PRRC2C: variants seen among roughly 807,000 people sequenced by gnomAD.
PRRC2C encodes proline rich coiled-coil 2C.
Under a neutral mutation model 317.2 loss-of-function variants are expected in PRRC2C, and 72 were observed. The ratio of observed to expected loss-of-function variants is 0.23; its 90% CI spans 0.19 to 0.28. The LOEUF (loss-of-function observed/expected upper bound fraction) is 0.28, where lower values mean the gene tolerates loss of function less well. PRRC2C is among the 10% of genes least tolerant of loss of function. PRRC2C has a pLI of 1.00. For synonymous variants in PRRC2C, 1,296 were observed against 1,205.9 expected, an observed-to-expected ratio of 1.07 and a Z score of -1.55; for missense variants, 3,074 against 3,459.7, an observed-to-expected ratio of 0.89 and a Z score of 2.80.
rs373111005 is a variant in PRRC2C, at chr1:171,490,824, T to C, written c.-58+5089T>C. On this transcript the variant is annotated intron_variant, in intron 1 of 34. Transcript: ENST00000647382. The stretch of plus-strand genomic sequence containing the variant: ...GGGAAAATCTCTTGATTTTTAGATA[T>C]ATTGAATACTCAAAGTGGACTCTAG... Among the ~76,000 whole-genome samples the C allele has an allele frequency of 4.6e-5, 7 of 152,344 alleles. No homozygotes were observed. In the East Asian group the frequency reaches 1.2e-3, roughly 25 times the overall value.
rs1256873943 is a variant in PRRC2C at position 171,557,946 on chromosome 1, C to T, written c.5834C>T (p.Pro1945Leu). The change falls in exon 19 of 35, where the codon CCA (proline) becomes CTA (leucine). Residue 1945 changes from proline to leucine, a missense_variant. Pro to Leu is a moderately conservative substitution (Grantham distance 98, BLOSUM62 -3). Transcript: ENST00000647382. ...QAQTHKPVQN[P>L]LQTTSQSSKQ... is the part of the protein sequence containing the mutation. ...CAGACCCACAAACCAGTCCAGAATC[C>T]ACTACAGACTACATCTCAGTCTTCA... 21 of 1,604,252 alleles carry T rather than the reference C, an allele frequency of 1.3e-5. No homozygotes were observed. Among genetic ancestry groups the T allele is most frequent in the South Asian group, 4.5e-5 (4 of 89,600 alleles).
At chr1:171,535,652 G>GTAA in intron 13 of PRRC2C, 55 bp downstream of exon 13, 1 of 1,543,500 alleles carries the variant, frequency 6.5e-7, no homozygotes, top group Non-Finnish European at 8.8e-7. Context: ...TTATTATGCA[G>GTAA]TAGTCTGGGA....
chr1:171,541,064 C>A lies in PRRC2C; in HGVS notation c.3598C>A (p.Arg1200=). 2 of 1,613,104 alleles carry A rather than the reference C, an allele frequency of 1.2e-6. No homozygotes were observed. The highest frequency in any genetic ancestry group is 1.7e-6 in the Non-Finnish European group (2 of 1,179,644). ...RGRGEYYSRG[R]SYRGSYGGRG... is the part of the protein sequence containing the mutation. Reference sequence around the variant, plus strand: ...CCGAGGTGAATATTACTCCAGAGGTCGAAGCTATAGAGGTTCTTATGGAGG... The same window carrying A: ...CCGAGGTGAATATTACTCCAGAGGTAGAAGCTATAGAGGTTCTTATGGAGG... The change falls in exon 16 of 35, where the codon CGA becomes AGA. Residue 1200 remains arginine (R), a synonymous_variant. Transcript: ENST00000647382. This position sits in a 1 kb window ranked among gnomAD's most constrained non-coding sequence, Gnocchi z 4.1.
chr1:171,584,066 A>C lies in PRRC2C; in HGVS notation c.7520A>C (p.Gln2507Pro). The change falls in exon 29 of 35, where the codon CAA becomes CCA. Residue 2507 changes from glutamine (Q) to proline (P), a missense_variant. By Grantham distance (76) the Gln-to-Pro change is moderately conservative. Transcript: ENST00000647382. ...CAACACCAAGAACTTGCCAAGGCAC[A>C]ATCCGGTCTTGCCTTTCAGCAAACA... Reference protein sequence around the residue: ...TVQHQELAKAQSGLAFQQTSN... With the variant: ...TVQHQELAKAPSGLAFQQTSN... 6.2e-7 allele frequency: 1 copy of C among 1,613,936 alleles called. No homozygotes were observed. Among genetic ancestry groups the C allele is most frequent in the Non-Finnish European group, 8.5e-7 (1 of 1,179,804 alleles).
chr1:171,529,705 T>A (rs1675409697), intron 11 of PRRC2C, among the ~76,000 whole-genome samples: 2 of 152,218 alleles, frequency 1.3e-5, no homozygotes, highest in Non-Finnish European at 2.9e-5. Flanking sequence ...CTGTAGTAGT[T>A]GTTGTCTTTT....
Position 171,541,544 on chromosome 1 carries a change from C to T in PRRC2C, c.4078C>T (p.Arg1360Cys), listed in dbSNP as rs767704056. The part of the protein sequence containing the change: ...FRRGGRDPGG[R>C]PSRPSTLRRP... Reference sequence around the variant, plus strand: ...GCGTGGTGGAAGGGATCCTGGAGGCCGTCCATCACGCCCTTCCACTTTACG... The same window carrying T: ...GCGTGGTGGAAGGGATCCTGGAGGCTGTCCATCACGCCCTTCCACTTTACG... Residue 1360 changes from arginine to cysteine, a missense_variant, in exon 16 of 35, where the codon CGT (arginine) becomes TGT (cysteine). Physicochemically the swap from Arg to Cys is radical, Grantham distance 180. This residue lies in a region of PRRC2C where 1,320 missense variants were observed against 1,395.7 expected (regional missense o/e 0.95). Coordinates refer to ENST00000647382, the MANE Select transcript of PRRC2C (RefSeq NM_001387844.1). The surrounding 1 kb of genome is among the most constrained non-coding windows in gnomAD (Gnocchi z 4.1). 15 of 1,613,346 alleles carry T rather than the reference C, an allele frequency of 9.3e-6. No homozygotes were observed. Among genetic ancestry groups the T allele is most frequent in the East Asian group, 2.2e-5 (1 of 44,824 alleles).
chr1:171,565,729 A>T lies in PRRC2C; in HGVS notation c.6118-504A>T, dbSNP rs141942638. 8.1e-3 allele frequency among the ~76,000 whole-genome samples: 1,232 copies of T among 152,338 alleles called. 8 individuals carry two copies. Among genetic ancestry groups the T allele is most frequent in the Middle Eastern group, 0.054 (16 of 294 alleles). On this transcript the variant is annotated intron_variant, in intron 20 of 34. Coordinates refer to ENST00000647382, the MANE Select transcript of PRRC2C (RefSeq NM_001387844.1). ...CCAGAGTGCTGGGATTACAGGCATG[A>T]GCCACCATACCCGGCCCAAATTAAC...
intron 6 of PRRC2C, among the ~76,000 whole-genome samples, chr1:171,518,403 GAA>G (rs1259957937): frequency 6.8e-6 from 1 of 146,144 alleles, no homozygotes; most frequent in Admixed American, 6.8e-5. Context: ...GTGGTTCATG[GAA>G]AAAATGATAA....
At chr1:171,590,134 A>G (rs912121850) in intron 34 of PRRC2C, among the ~76,000 whole-genome samples, 2 of 152,158 alleles carry the variant, frequency 1.3e-5, no homozygotes, top group Non-Finnish European at 1.5e-5. Context: ...ATTATGAGTC[A>G]TCAAAGTACA....
Position 171,579,594 on chromosome 1 carries a change from A to G in PRRC2C, c.7272+128A>G, listed in dbSNP as rs1000476687. On this transcript the variant is annotated intron_variant, in intron 27 of 34. Coordinates refer to ENST00000647382, the MANE Select transcript of PRRC2C (RefSeq NM_001387844.1). ...ACCCACGATTAGCTTGATATTCTAT[A>G]AGCAAAATTTAAAATTTTTCCCAAA... 15 of 1,420,160 alleles carry G rather than the reference A, an allele frequency of 1.1e-5. No individual in the cohort carries two copies. The African/African-American group carries it at 2.0e-4, about 19-fold the overall frequency. The allele number at this position is 1,420,160 out of a possible 1,614,324, so 88.0% of individuals were successfully genotyped here.
intron 18 of PRRC2C, among the ~76,000 whole-genome samples, chr1:171,556,297 C>T (rs564776323): frequency 5.3e-5 from 8 of 152,278 alleles, no homozygotes; most frequent in Middle Eastern, 3.4e-3. Flanking sequence ...AGTATTAGGG[C>T]GGGAGTCCCG....
chr1:171,537,433 G>A lies in PRRC2C; in HGVS notation c.2464G>A (p.Ala822Thr), dbSNP rs766738157. ...DPYPHAEPQQ[A>T]TTPKATEEPE... ...CTATCCTCATGCTGAGCCTCAACAA[G>A]CAACTACTCCCAAAGCAACAGAAGA... The change falls in exon 15 of 35, where the codon GCA (alanine) becomes ACA (threonine). Residue 822 changes from alanine (A) to threonine (T), a missense_variant. Transcript: ENST00000647382. 3 of 1,584,346 alleles carry A rather than the reference G, an allele frequency of 1.9e-6. No homozygotes were observed. The highest frequency in any genetic ancestry group is 2.6e-6 in the Non-Finnish European group (3 of 1,164,272).
Position 171,532,848 on chromosome 1 carries a change from A to G in PRRC2C, c.1760A>G (p.Lys587Arg). 1 of 1,602,036 alleles carries G rather than the reference A, an allele frequency of 6.2e-7. No homozygotes were observed. The highest frequency in any genetic ancestry group is 8.5e-7 in the Non-Finnish European group (1 of 1,177,006). The change falls in exon 12 of 35, where the codon AAG becomes AGG. Residue 587 changes from lysine to arginine, a missense_variant. This residue lies in a region of PRRC2C where 1,320 missense variants were observed against 1,395.7 expected (regional missense o/e 0.95). Coordinates refer to ENST00000647382, the MANE Select transcript of PRRC2C (RefSeq NM_001387844.1). ...KELQKMKEQEKECELEKEREK... is the reference protein window; with the variant it reads ...KELQKMKEQERECELEKEREK... ...CTACAAAAGATGAAAGAACAAGAAA[A>G]GGAATGTGAGCTGGAGAAGGAAAGG...
At chr1:171,513,378 G>T in intron 3 of PRRC2C, 1 of 686,772 alleles carries the variant, frequency 1.5e-6, no homozygotes, top group Non-Finnish European at 2.6e-6. Context: ...ACAGATGACA[G>T]AATTGGGAAT....
intron 2 of PRRC2C, 183 bp downstream of exon 2, chr1:171,512,383 A>G (rs951411044): frequency 1.9e-6 from 1 of 516,840 alleles, no homozygotes; most frequent in Non-Finnish European, 3.6e-6. Flanking sequence ...TTGAAAATTT[A>G]TACTTTCATA....
At chr1:171,498,893 C>T (rs75515890) in intron 1 of PRRC2C, among the ~76,000 whole-genome samples, 2,674 of 152,262 alleles carry the variant, frequency 0.018, 32 homozygotes, top group Middle Eastern at 0.031. Context: ...CCTGGAACTC[C>T]TGGGTTCAAA....
chr1:171,536,329 C>T, intron 14 of PRRC2C, 51 bp downstream of exon 14: 1 of 1,554,958 alleles, frequency 6.4e-7, no homozygotes, highest in Non-Finnish European at 8.8e-7. Flanking sequence ...TTTTTTTTCC[C>T]TGCTTTTAGT....
chr1:171,532,367 G>A lies in PRRC2C; in HGVS notation c.1279G>A (p.Val427Ile). 1.9e-6 allele frequency: 3 copies of A among 1,613,490 alleles called. No individual in the cohort carries two copies. In the African/African-American group the frequency reaches 4.0e-5, roughly 22 times the overall value. The change falls in exon 12 of 35, where the codon GTA becomes ATA. Residue 427 changes from valine to isoleucine, a missense_variant. Val to Ile is a conservative substitution (Grantham distance 29, BLOSUM62 3). Transcript: ENST00000647382. ...GCATCCACCTCCAGATCGACAGGCA[G>A]TACCTGGAAGACCAGGCCCCTTTCC... ...QQHPPPDRQA[V>I]PGRPGPFPSK... is the part of the protein sequence containing the mutation.
At chr1:171,583,935 T>G in intron 28 of PRRC2C, 21 bp from the exon 29 acceptor site, 2 of 1,577,018 alleles carry the variant, frequency 1.3e-6, no homozygotes, top group Non-Finnish European at 1.7e-6. Flanking sequence ...TAACAATATT[T>G]TCTCTTTAAT....
Sources: gnomAD v4.1 joint callset for allele counts (sites outside exome capture counted in the v4.1 genomes callset) on GRCh38, gnomAD v4.1.1 for gene constraint, gnomAD v4.1.1 regional missense constraint, Gnocchi (gnomAD v3.1) non-coding constraint, MANE v1.5 for transcripts, NCBI Gene and HGNC (gene_info 2026-07-23, HGNC 2026-07-21) for gene names.